PARP1: variants seen among roughly 807,000 people sequenced by gnomAD.
The protein encoded by PARP1 is poly [ADP-ribose] polymerase 1.
PARP1 carries 44 observed loss-of-function variants against 118.7 expected under a neutral mutation model. That is an observed-to-expected ratio of 0.37 (90% CI 0.29 to 0.48). The LOEUF is 0.48. PARP1 is among the 20% of genes least tolerant of loss of function. The probability of loss-of-function intolerance (pLI) is 0.99; values close to 1 mark genes in which losing one functional copy is unlikely to be tolerated. For missense variants in PARP1, 1,100 were observed against 1,272.4 expected, an observed-to-expected ratio of 0.86 and a Z score of 2.06; for synonymous variants, 492 against 483.2, an observed-to-expected ratio of 1.02 and a Z score of -0.24.
intron 14 of PARP1, among the ~76,000 whole-genome samples, chr1:226,373,672 A>G (rs1165299540): frequency 1.3e-5 from 2 of 152,164 alleles, no homozygotes; most frequent in Non-Finnish European, 2.9e-5. Flanking sequence ...ACTGGTATGA[A>G]TTTTATCTTA....
intron 7 of PARP1, among the ~76,000 whole-genome samples, chr1:226,384,809 G>A (rs567803247): frequency 6.8e-6 from 1 of 147,060 alleles, no homozygotes; most frequent in African/African-American, 2.5e-5. Context: ...AGTTACTCAG[G>A]TAACGATTCC....
chr1:226,377,065 C>T, intron 13 of PARP1, 43 bp downstream of exon 13: 1 of 1,541,514 alleles, frequency 6.5e-7, no homozygotes, highest in Non-Finnish European at 9.0e-7. Flanking sequence ...GGTGTCCCTT[C>T]CTTTTCCTAG....
intron 2 of PARP1, among the ~76,000 whole-genome samples, chr1:226,399,171 C>T (rs904000933): frequency 5.4e-5 from 8 of 148,232 alleles, no homozygotes; most frequent in African/African-American, 7.5e-5. Context: ...CCTCCCAGTA[C>T]AACCAATTCT....
intron 20 of PARP1, 63 bp downstream of exon 20, chr1:226,363,880 G>A (rs1327796229): frequency 6.3e-7 from 1 of 1,586,158 alleles, no homozygotes; most frequent in African/African-American, 1.3e-5. Context: ...GGGGAGTTCT[G>A]CCTATAGCCC....
chr1:226,403,281 C>T (rs1228573995), intron 1 of PARP1, among the ~76,000 whole-genome samples: 2 of 152,166 alleles, frequency 1.3e-5, no homozygotes, highest in Non-Finnish European at 2.9e-5. Flanking sequence ...TGGGTTCAAG[C>T]GATTCTCCTG....
At position 226,388,634 on chromosome 1, in the gene PARP1, A is replaced by G. The variant is rs3219048; in HGVS notation, c.717+22T>C. ...ATCCAGACAGCAGAATGTCGAAAGG[A>G]GACACAGAGCTGAGAACTCACCTTT... On this transcript the variant is annotated intron_variant, in intron 5 of 22. Coordinates refer to ENST00000366794, the MANE Select transcript of PARP1 (RefSeq NM_001618.4). The G allele has an allele frequency of 1.3e-3, 1,942 of 1,448,770 alleles. 24 individuals are homozygous for G. In the African/African-American group the frequency reaches 0.024, roughly 18 times the overall value. 89.7% of individuals were successfully genotyped at this position (1,448,770 alleles called of 1,614,324 possible). A position where few individuals can be genotyped will look rare whatever the true frequency, so the allele number is the denominator to read the frequency against.
intron 2 of PARP1, among the ~76,000 whole-genome samples, chr1:226,401,700 G>A (rs1665041351): frequency 6.6e-6 from 1 of 152,316 alleles, no homozygotes; most frequent in East Asian, 1.9e-4. Flanking sequence ...GGGGGCTGCA[G>A]AAGGGTGCAG....
chr1:226,379,838 C>A, intron 10 of PARP1, 84 bp downstream of exon 10: 1 of 1,602,038 alleles, frequency 6.2e-7, no homozygotes, highest in Non-Finnish European at 8.5e-7. Flanking sequence ...GTCAGGGACA[C>A]AAAGGGAGAG....
intron 19 of PARP1, 78 bp from the exon 20 acceptor site, chr1:226,364,148 A>G (rs1490132357): frequency 2.8e-6 from 4 of 1,411,532 alleles, no homozygotes; most frequent in Non-Finnish European, 4.0e-6. Flanking sequence ...TGCCAACTTG[A>G]GCAAGCCACC....
intron 10 of PARP1, 39 bp from the exon 11 acceptor site, chr1:226,379,680 T>C (rs1664566762): frequency 3.3e-6 from 5 of 1,527,330 alleles, no homozygotes; most frequent in Non-Finnish European, 3.6e-6. Context: ...TGAAGTTAAA[T>C]GTAACTAAAA....
rs181585800 is a variant in PARP1, at chr1:226,404,217, G to C, written c.121-1838C>G. Among the ~76,000 whole-genome samples, 232 of 152,248 alleles carry C rather than the reference G, an allele frequency of 1.5e-3. 1 individual carries two copies. Among genetic ancestry groups the C allele is most frequent in the African/African-American group, 4.5e-3 (187 of 41,570 alleles). On this transcript the variant is annotated intron_variant, in intron 1 of 22. Transcript: ENST00000366794. ...AGTGTTTGCTTAGGGCTCCAAGTCA[G>C]ATGGAACAAAAAAGGAAGGATGGGG... is the stretch of plus-strand genomic sequence containing the variant.
chr1:226,399,637 T>A (rs1421060464), intron 2 of PARP1, among the ~76,000 whole-genome samples: 1 of 152,286 alleles, frequency 6.6e-6, no homozygotes, highest in East Asian at 1.9e-4. Flanking sequence ...GAATGTACAA[T>A]GCAAAGAGTG....
At chr1:226,403,778 G>C (rs968018888) in intron 1 of PARP1, among the ~76,000 whole-genome samples, 2 of 152,200 alleles carry the variant, frequency 1.3e-5, no homozygotes, top group East Asian at 3.8e-4. Flanking sequence ...TAAAGTAAGG[G>C]AAGTCCCAAA....
At position 226,388,701 on chromosome 1, in the gene PARP1, A is replaced by G; in HGVS notation, c.672T>C (p.Ser224=). The G allele has an allele frequency of 1.2e-6, 2 of 1,614,038 alleles. No homozygotes were observed. Among genetic ancestry groups the G allele is most frequent in the Non-Finnish European group, 1.7e-6 (2 of 1,179,932 alleles). Residue 224 remains serine, a synonymous_variant, in exon 5 of 23, where the codon TCT becomes TCC. Transcript: ENST00000366794. Reference sequence around the variant, plus strand: ...TACTATCCTTGTCTTTTTCTTTTTTAGATTTCTTCTTCGCCACTTCATCCA... The same window carrying G: ...TACTATCCTTGTCTTTTTCTTTTTTGGATTTCTTCTTCGCCACTTCATCCA... ...DGVDEVAKKK[S]KKEKDKDSKL...
chr1:226,386,372 T>A lies in PARP1; in HGVS notation c.788A>T (p.Glu263Val). 1.9e-6 allele frequency: 3 copies of A among 1,613,902 alleles called. No homozygotes were observed. Among genetic ancestry groups the A allele is most frequent in the Non-Finnish European group, 2.5e-6 (3 of 1,179,786 alleles). Residue 263 changes from glutamate (E) to valine (V), a missense_variant, in exon 6 of 23, where the codon GAG becomes GTG. Physicochemically the swap from Glu to Val is moderately radical, Grantham distance 121. Coordinates refer to ENST00000366794, the MANE Select transcript of PARP1 (RefSeq NM_001618.4). ...TTGCTGCTTGTTGAAGATGAGTAGC[T>A]CCTTCAGGTCATTAGTTGAACACAC... is the stretch of plus-strand genomic sequence containing the variant. ...KKVCSTNDLK[E>V]LLIFNKQQVP...
intron 20 of PARP1, 89 bp downstream of exon 20, chr1:226,363,854 C>G (rs1382024187): frequency 2.1e-6 from 3 of 1,443,164 alleles, no homozygotes; most frequent in Non-Finnish European, 2.9e-6. Flanking sequence ...TGGGGAATTT[C>G]TACTCTCCCA....
intron 18 of PARP1, among the ~76,000 whole-genome samples, 161 bp downstream of exon 18, chr1:226,365,779 AAAAAACAAACAAAC>A (rs200364836): frequency 2.3e-5 from 1 of 42,772 alleles, no homozygotes; most frequent in African/African-American, 1.4e-4. Context: ...AAAAAAAAAC[AAAAAACAAACAAAC>A]AAAAAAAAAA....
chr1:226,362,163 T>C, intron 21 of PARP1, 80 bp from the exon 22 acceptor site: 2 of 815,006 alleles, frequency 2.5e-6, no homozygotes, highest in South Asian at 1.4e-5. Flanking sequence ...CTCTATTTGA[T>C]GTTGGGTCCA....
intron 17 of PARP1, 193 bp downstream of exon 17, chr1:226,367,287 C>T (rs575727203): frequency 1.4e-5 from 9 of 666,078 alleles, no homozygotes; most frequent in East Asian, 2.8e-5. Context: ...ATTATCTACA[C>T]GTGAAACGCC....
Sources: gnomAD v4.1 joint callset for allele counts (sites outside exome capture counted in the v4.1 genomes callset) on GRCh38, gnomAD v4.1.1 for gene constraint, MANE v1.5 for transcripts, NCBI Gene and HGNC (gene_info 2026-07-23, HGNC 2026-07-21) for gene names.